The following PPP1R12A variants were observed in gnomAD, a reference collection of about 807,000 sequenced individuals.
The protein encoded by PPP1R12A is protein phosphatase 1 regulatory subunit 12A.
Under a neutral mutation model 139.6 loss-of-function variants are expected in PPP1R12A, and 19 were observed. The observed-to-expected ratio is 0.14, with a 90% CI of 0.09 to 0.20. The LOEUF is 0.20. PPP1R12A is among the 10% of genes least tolerant of loss of function. The pLI, the probability that PPP1R12A is intolerant of heterozygous loss-of-function variation, is 1.00. For synonymous variants in PPP1R12A, 427 were observed against 420.6 expected (o/e 1.02, Z -0.19); for missense variants, 925 against 1,211.5 (o/e 0.76, Z 3.51).
chr12:79,878,697 C>T (rs546133412), intron 1 of PPP1R12A, among the ~76,000 whole-genome samples: 20 of 151,952 alleles, frequency 1.3e-4, no homozygotes, highest in Non-Finnish European at 2.5e-4. Flanking sequence ...GGAGAAGCGC[C>T]GAGCAAAACA....
At chr12:79,847,435 C>T (rs1440827329) in intron 2 of PPP1R12A, among the ~76,000 whole-genome samples, 1 of 152,114 alleles carries the variant, frequency 6.6e-6, no homozygotes, top group Non-Finnish European at 1.5e-5. Flanking sequence ...TTTGTATTTC[C>T]TGATTACACA....
intron 1 of PPP1R12A, among the ~76,000 whole-genome samples, chr12:79,881,170 AG>A (rs1173617792): frequency 6.6e-6 from 1 of 152,194 alleles, no homozygotes; most frequent in Non-Finnish European, 1.5e-5. Context: ...ATCACCTCTA[AG>A]TACTCAAGTG....
At chr12:79,857,581 A>T (rs1038445451) in intron 2 of PPP1R12A, among the ~76,000 whole-genome samples, 3 of 147,808 alleles carry the variant, frequency 2.0e-5, no homozygotes, top group Non-Finnish European at 2.9e-5. Context: ...TAATAATAAA[A>T]AATAATAATA....
At chr12:79,912,351 C>T (rs1886640833) in intron 1 of PPP1R12A, among the ~76,000 whole-genome samples, 1 of 152,048 alleles carries the variant, frequency 6.6e-6, no homozygotes, top group South Asian at 2.1e-4. Flanking sequence ...TTCCTTAGCT[C>T]CCAGTATTAT....
chr12:79,909,186 G>A (rs1886359104), intron 1 of PPP1R12A, among the ~76,000 whole-genome samples: 1 of 152,140 alleles, frequency 6.6e-6, no homozygotes, highest in Non-Finnish European at 1.5e-5. Context: ...AGTCACATCT[G>A]TACCTCATTT....
intron 9 of PPP1R12A, 40 bp downstream of exon 9, chr12:79,817,354 T>A (rs1244136744): frequency 6.3e-7 from 1 of 1,580,668 alleles, no homozygotes; most frequent in Non-Finnish European, 8.6e-7. Flanking sequence ...GGTACATAAA[T>A]AGAATACATG....
chr12:79,806,565 A>G (rs1435758126), intron 12 of PPP1R12A, among the ~76,000 whole-genome samples: 4 of 152,204 alleles, frequency 2.6e-5, no homozygotes, highest in African/African-American at 9.6e-5. Context: ...TCTCAACAAG[A>G]CAAAGATGAT....
At chr12:79,831,774 A>G (rs1313802014) in intron 4 of PPP1R12A, among the ~76,000 whole-genome samples, 2 of 152,230 alleles carry the variant, frequency 1.3e-5, no homozygotes, top group Non-Finnish European at 1.5e-5. Context: ...TATTATTGCA[A>G]CATAAAGAAG....
At position 79,917,903 on chromosome 12, in the gene PPP1R12A, C is replaced by T. The variant is rs149849805; in HGVS notation, c.237+16792G>A. ...ATGCTCTGAGAAAATGTACTCTCAC[C>T]TATCTTAACCTGTGACTTTATTTTC... is the stretch of plus-strand genomic sequence containing the variant. On this transcript the variant is annotated intron_variant, in intron 1 of 24. Coordinates refer to ENST00000450142, the MANE Select transcript of PPP1R12A (RefSeq NM_002480.3). Among the ~76,000 whole-genome samples the T allele has an allele frequency of 6.6e-5, 10 of 152,174 alleles. No homozygotes were observed. In the East Asian group the frequency reaches 1.9e-3, roughly 29 times the overall value.
intron 1 of PPP1R12A, among the ~76,000 whole-genome samples, chr12:79,886,806 C>G (rs1384449117): frequency 1.3e-5 from 2 of 152,128 alleles, no homozygotes; most frequent in Non-Finnish European, 2.9e-5. Context: ...ATGCCAAAAA[C>G]TAGAAACCAC....
intron 1 of PPP1R12A, among the ~76,000 whole-genome samples, chr12:79,918,165 A>G (rs1266271566): frequency 6.6e-6 from 1 of 152,204 alleles, no homozygotes; most frequent in Admixed American, 6.5e-5. Context: ...CCTTAAAAAA[A>G]AAAAAACATA....
upstream of PPP1R12A, chr12:79,935,258 C>T (rs891565617): frequency 8.9e-7 from 1 of 1,122,184 alleles, no homozygotes; most frequent in Non-Finnish European, 1.1e-6. Flanking sequence ...GGCCTGTGCC[C>T]GCCCCAGGAA....
Position 79,805,441 on chromosome 12 carries a change from T to C in PPP1R12A, c.2000+151A>G, listed in dbSNP as rs1030559344. 17 of 581,906 alleles carry C rather than the reference T, an allele frequency of 2.9e-5. 1 individual carries two copies. The highest frequency in any genetic ancestry group is 1.2e-4 in the East Asian group (4 of 32,854). 36.0% of individuals were successfully genotyped at this position (581,906 alleles called of 1,614,324 possible). On this transcript the variant is annotated intron_variant, in intron 14 of 24. Transcript: ENST00000450142. ...TAAATATAAATAATTGCTAGTTGTA[T>C]AAATTTACATAGTTCTGAGCTGACA...
chr12:79,821,820 T>C (rs1160560966), intron 6 of PPP1R12A, among the ~76,000 whole-genome samples: 5 of 151,970 alleles, frequency 3.3e-5, no homozygotes, highest in Non-Finnish European at 5.9e-5. Flanking sequence ...ATTGGATATA[T>C]GAGATTTTAT....
At chr12:79,905,255 A>G (rs1358074823) in intron 1 of PPP1R12A, among the ~76,000 whole-genome samples, 1 of 151,864 alleles carries the variant, frequency 6.6e-6, no homozygotes, top group Non-Finnish European at 1.5e-5. Context: ...GCACTACTAG[A>G]GCTTAACAAC....
intron 5 of PPP1R12A, chr12:79,825,086 A>G (rs920416794): frequency 1.3e-5 from 2 of 152,196 alleles, no homozygotes; most frequent in South Asian, 2.1e-4. Flanking sequence ...GTCTGCGTGC[A>G]TGGTATTTGC....
chr12:79,867,236 G>GC (rs1882068200), intron 2 of PPP1R12A, among the ~76,000 whole-genome samples: 1 of 151,926 alleles, frequency 6.6e-6, no homozygotes, highest in African/African-American at 2.4e-5. Context: ...ACCAAACACC[G>GC]CATGTTCTCA....
At chr12:79,868,524 G>C (rs1464151268) in intron 2 of PPP1R12A, among the ~76,000 whole-genome samples, 1 of 152,184 alleles carries the variant, frequency 6.6e-6, no homozygotes, top group Non-Finnish European at 1.5e-5. Context: ...CAAGATCAAT[G>C]TGTTAGCAGC....
intron 18 of PPP1R12A, 142 bp downstream of exon 18, chr12:79,795,496 T>G (rs1872406511): frequency 2.2e-6 from 2 of 920,546 alleles, no homozygotes; most frequent in Admixed American, 6.1e-5. Context: ...TAATTTTTCT[T>G]ATTTAACAAC....
Sources: allele counts gnomAD v4.1 joint callset (sites outside exome capture counted in the v4.1 genomes callset), GRCh38; gene constraint gnomAD v4.1.1; transcripts MANE v1.5; gene names NCBI Gene and HGNC (gene_info 2026-07-23, HGNC 2026-07-21).